Variants in RASGRF2 observed in about 807,000 individuals in gnomAD.
The protein encoded by RASGRF2 is ras-specific guanine nucleotide-releasing factor 2.
In RASGRF2, 76 loss-of-function variants were observed where a neutral mutation model predicts 151.0. The ratio of observed to expected loss-of-function variants is 0.50; its 90% CI spans 0.42 to 0.61. The LOEUF is 0.61. RASGRF2 is among the 20% of genes least tolerant of loss of function. The probability of loss-of-function intolerance (pLI) is 0.00; values close to 1 mark genes in which losing one functional copy is unlikely to be tolerated. For synonymous variants in RASGRF2, 504 were observed against 566.5 expected (o/e 0.89, Z 1.57); for missense variants, 1,148 against 1,564.6 (o/e 0.73, Z 4.49).
At chr5:81,125,070 A>G (rs1753416367) in intron 16 of RASGRF2, among the ~76,000 whole-genome samples, 1 of 152,138 alleles carries the variant, frequency 6.6e-6, no homozygotes, top group African/African-American at 2.4e-5. Flanking sequence ...TATTTTTAGT[A>G]GAGACGGGTT....
intron 18 of RASGRF2, among the ~76,000 whole-genome samples, chr5:81,192,915 C>G (rs1194579055): frequency 6.6e-6 from 1 of 152,154 alleles, no homozygotes; most frequent in African/African-American, 2.4e-5. Context: ...GTATGTTTTT[C>G]ATTTTCTTGA....
At chr5:81,143,113 C>G (rs1172890619) in intron 17 of RASGRF2, among the ~76,000 whole-genome samples, 3 of 152,122 alleles carry the variant, frequency 2.0e-5, no homozygotes, top group Non-Finnish European at 4.4e-5. Context: ...GAACATAGGA[C>G]TTCTGATTCT....
chr5:81,035,158 C>T (rs2112374788), intron 1 of RASGRF2, among the ~76,000 whole-genome samples: 1 of 152,214 alleles, frequency 6.6e-6, no homozygotes, highest in South Asian at 2.1e-4. Context: ...AAGACACAAG[C>T]ACACGTATGT....
intron 18 of RASGRF2, among the ~76,000 whole-genome samples, chr5:81,198,413 A>G (rs866475045): frequency 1.3e-5 from 2 of 151,778 alleles, no homozygotes; most frequent in Non-Finnish European, 2.9e-5. Context: ...AATGGCCTGT[A>G]TCTTCATCCA....
intron 17 of RASGRF2, among the ~76,000 whole-genome samples, chr5:81,128,105 G>A (rs986630437): frequency 1.3e-5 from 2 of 152,082 alleles, no homozygotes; most frequent in African/African-American, 4.8e-5. Context: ...GAAGTAGAAA[G>A]TAGACTGGTG....
chr5:81,126,197 G>A (rs150026584), intron 16 of RASGRF2, among the ~76,000 whole-genome samples: 9 of 152,346 alleles, frequency 5.9e-5, no homozygotes, highest in African/African-American at 2.2e-4. Context: ...GCCAAACGCT[G>A]TGTGTACAGT....
intron 17 of RASGRF2, among the ~76,000 whole-genome samples, chr5:81,145,014 G>A (rs1486381959): frequency 2.6e-5 from 4 of 152,074 alleles, no homozygotes; most frequent in South Asian, 2.1e-4. Flanking sequence ...CTGAGGCAGC[G>A]GGAGGATCAC....
intron 1 of RASGRF2, among the ~76,000 whole-genome samples, chr5:80,991,120 A>T (rs1748634666): frequency 6.6e-6 from 1 of 152,190 alleles, no homozygotes; most frequent in African/African-American, 2.4e-5. Context: ...CCTTACAAAG[A>T]TCTGCAAATC....
At chr5:81,084,068 A>C (rs1362950568) in intron 7 of RASGRF2, among the ~76,000 whole-genome samples, 2 of 152,122 alleles carry the variant, frequency 1.3e-5, no homozygotes, top group Non-Finnish European at 2.9e-5. Flanking sequence ...TTGTTCCTTC[A>C]CCATAAGGCA....
chr5:81,060,340 C>T (rs775671226), intron 2 of RASGRF2, among the ~76,000 whole-genome samples: 5 of 152,184 alleles, frequency 3.3e-5, no homozygotes, highest in Non-Finnish European at 7.3e-5. Context: ...TTCCCTGGGC[C>T]TGGATGCTGT....
chr5:81,139,572 G>A (rs967433859), intron 17 of RASGRF2, among the ~76,000 whole-genome samples: 2 of 151,222 alleles, frequency 1.3e-5, no homozygotes, highest in Admixed American at 6.6e-5. Context: ...CACCATATTG[G>A]CCAGGCTGTT....
At position 81,067,517 on chromosome 5, in the gene RASGRF2, A is replaced by C. The variant is rs149693718; in HGVS notation, c.396-515A>C. ...AGTAGTCAATGATTTTGCAGTCTTA[A>C]AGAGAGCCCAACAGAGTTGGTAGTC... On this transcript the variant is annotated intron_variant, in intron 2 of 26. Transcript: ENST00000265080. 6.0e-3 allele frequency among the ~76,000 whole-genome samples: 908 copies of C among 152,336 alleles called. 9 individuals are homozygous for C. The highest frequency in any genetic ancestry group is 0.021 in the African/African-American group (878 of 41,564).
At chr5:81,125,697 A>G (rs2112569513) in intron 16 of RASGRF2, among the ~76,000 whole-genome samples, 1 of 152,334 alleles carries the variant, frequency 6.6e-6, no homozygotes, top group African/African-American at 2.4e-5. Context: ...ACTCTACTTT[A>G]TATTCTCTTT....
rs1045305157 is a variant in RASGRF2, at chr5:81,004,279, T to A, written c.289-38598T>A. ...TGTCATTTAACAGGGGAGACAATTATGCTCAGCTACTGTTTTTGATGTATT... is the reference window on the plus strand; with the variant it reads ...TGTCATTTAACAGGGGAGACAATTAAGCTCAGCTACTGTTTTTGATGTATT... On this transcript the variant is annotated intron_variant, in intron 1 of 26. Transcript: ENST00000265080. Among the ~76,000 whole-genome samples the A allele has an allele frequency of 4.6e-5, 7 of 152,398 alleles. No homozygotes were observed. The South Asian group carries it at 1.2e-3, about 27-fold the overall frequency.
chr5:81,132,367 T>TTTG (rs1486554472), intron 17 of RASGRF2, among the ~76,000 whole-genome samples: 2 of 152,294 alleles, frequency 1.3e-5, no homozygotes, highest in East Asian at 3.9e-4. Context: ...TTTTAAATTG[T>TTTG]TTGTTGTTGT....
chr5:81,139,963 T>C (rs907303447), intron 17 of RASGRF2, among the ~76,000 whole-genome samples: 3 of 152,078 alleles, frequency 2.0e-5, no homozygotes, highest in African/African-American at 7.2e-5. Flanking sequence ...GAGTAGCTGG[T>C]ACTATAGTTA....
chr5:81,081,262 C>T (rs7735141), intron 7 of RASGRF2, among the ~76,000 whole-genome samples: 1,733 of 152,226 alleles, frequency 0.011, 33 homozygotes, highest in African/African-American at 0.04. Context: ...GTTGAGTCTC[C>T]CCTCGGCTGG....
At chr5:81,213,622 C>A (rs565964318) in intron 23 of RASGRF2, among the ~76,000 whole-genome samples, 33 of 152,170 alleles carry the variant, frequency 2.2e-4, no homozygotes, top group Admixed American at 1.6e-3. Flanking sequence ...CTCATTATTT[C>A]TTTTCCATCT....
Position 81,168,309 on chromosome 5 carries a change from C to CTCTTT in RASGRF2, c.2687-11865_2687-11864insCTTTT, listed in dbSNP as rs368713812. Among the ~76,000 whole-genome samples, 235 of 115,980 alleles carry CTCTTT rather than the reference C, an allele frequency of 2.0e-3. 1 individual carries two copies. The highest frequency in any genetic ancestry group is 7.7e-3 in the African/African-American group (230 of 29,884). The allele number at this position is 115,980 out of a possible 152,430, so 76.1% of individuals were successfully genotyped here. A position where few individuals can be genotyped will look rare whatever the true frequency, so the allele number is the denominator to read the frequency against. The stretch of plus-strand genomic sequence containing the variant: ...ATGCCAGCGTCTTTTTTTTTCTTCT[C>CTCTTT]TTTTTTTTTTTTTTTTTTTAAGACA... On this transcript the variant is annotated intron_variant, in intron 17 of 26. Transcript: ENST00000265080.
Sources: allele counts gnomAD v4.1 joint callset (sites outside exome capture counted in the v4.1 genomes callset), GRCh38; gene constraint gnomAD v4.1.1; transcripts MANE v1.5; gene names NCBI Gene and HGNC (gene_info 2026-07-23, HGNC 2026-07-21).